VGLL4: variants seen among roughly 807,000 people sequenced by gnomAD.
The protein encoded by VGLL4 is vestigial like family member 4.
VGLL4 carries 7 observed loss-of-function variants against 21.0 expected under a neutral mutation model. The ratio of observed to expected loss-of-function variants is 0.33; its 90% confidence interval spans 0.19 to 0.63. The LOEUF (loss-of-function observed/expected upper bound fraction) is 0.63. Among genes scored for constraint, VGLL4 ranks in the 20% least tolerant of loss-of-function variants. The pLI, the probability that VGLL4 is intolerant of heterozygous loss-of-function variation, is 0.78. For missense variants in VGLL4, 394 were observed against 425.7 expected, an observed-to-expected ratio of 0.93 and a Z score of 0.66; for synonymous variants, 222 against 173.2, an observed-to-expected ratio of 1.28 and a Z score of -2.21.
intron 2 of VGLL4, among the ~76,000 whole-genome samples, chr3:11,655,529 C>G (rs573551971): frequency 6.6e-6 from 1 of 152,328 alleles, no homozygotes; most frequent in African/African-American, 2.4e-5. Context: ...CATTCTCAGC[C>G]TATCTTCTTA....
chr3:11,645,967 G>C (rs190502689), upstream of VGLL4, among the ~76,000 whole-genome samples: 40 of 152,152 alleles, frequency 2.6e-4, 1 homozygote, highest in East Asian at 7.5e-3. Flanking sequence ...ACAAGACTCC[G>C]TCTCAAAAAA....
chr3:11,707,186 G>C (rs565609151), intron 1 of VGLL4, among the ~76,000 whole-genome samples: 98 of 151,902 alleles, frequency 6.5e-4, no homozygotes, highest in South Asian at 5.0e-3. Context: ...AAATGAGCTG[G>C]AAGTGGTGGC....
chr3:11,706,429 C>T (rs1030145893), intron 1 of VGLL4, among the ~76,000 whole-genome samples: 1 of 152,128 alleles, frequency 6.6e-6, no homozygotes, highest in Non-Finnish European at 1.5e-5. Context: ...CGCTCTTGTT[C>T]GGAAACTAAA....
chr3:11,625,401 G>A (rs2075333419), intron 1 of VGLL4, among the ~76,000 whole-genome samples: 1 of 152,172 alleles, frequency 6.6e-6, no homozygotes, highest in Admixed American at 6.5e-5. Flanking sequence ...TGGTTCTAAG[G>A]TCTTTGAAAG....
chr3:11,598,343 C>A (rs1351812926), intron 2 of VGLL4, among the ~76,000 whole-genome samples: 3 of 152,146 alleles, frequency 2.0e-5, no homozygotes, highest in Admixed American at 2.0e-4. Context: ...GCTTCTTACT[C>A]TGGCTCAGAG....
intron 2 of VGLL4, among the ~76,000 whole-genome samples, chr3:11,575,467 C>G (rs1040172126): frequency 6.6e-6 from 1 of 152,192 alleles, no homozygotes; most frequent in Non-Finnish European, 1.5e-5. Context: ...CCCTCTCTCT[C>G]CTTGAGACTG....
chr3:11,608,993 A>G (rs1481833896), intron 1 of VGLL4, among the ~76,000 whole-genome samples: 1 of 152,098 alleles, frequency 6.6e-6, no homozygotes, highest in Non-Finnish European at 1.5e-5. Context: ...TCCCGAGTGT[A>G]GCCGGGACTA....
At chr3:11,595,246 AGG>A (rs543406452) in intron 2 of VGLL4, among the ~76,000 whole-genome samples, 1 of 152,244 alleles carries the variant, frequency 6.6e-6, no homozygotes, top group African/African-American at 2.4e-5. Flanking sequence ...GTAAGAAAGA[AGG>A]GGAAATGCAG....
Position 11,574,783 on chromosome 3 carries a change from ATATGTGTGTG to A in VGLL4, c.273-9774_273-9765del, listed in dbSNP as rs1284548403. 1.8e-3 allele frequency among the ~76,000 whole-genome samples: 200 copies of A among 111,852 alleles called. 2 individuals are homozygous for A. Among genetic ancestry groups the A allele is most frequent in the Middle Eastern group, 9.3e-3 (2 of 214 alleles). 73.4% of individuals were successfully genotyped at this position (111,852 alleles called of 152,430 possible). A position where few individuals can be genotyped will look rare whatever the true frequency, so the allele number is the denominator to read the frequency against. On this transcript the variant is annotated intron_variant, in intron 2 of 4. Coordinates refer to ENST00000430365, the MANE Select transcript of VGLL4 (RefSeq NM_001128219.3). ...GTACAATTACTGTCAATTCAACTAT[ATATGTGTGTG>A]TGTGTGTGTGTGTGTGTGTGTGTGT... is the stretch of plus-strand genomic sequence containing the variant.
At chr3:11,599,840 C>T (rs1471293008) in intron 2 of VGLL4, among the ~76,000 whole-genome samples, 1 of 151,600 alleles carries the variant, frequency 6.6e-6, no homozygotes, top group Non-Finnish European at 1.5e-5. Context: ...ATTTTCTGAA[C>T]ATTTTAATAT....
intron 2 of VGLL4, among the ~76,000 whole-genome samples, chr3:11,690,584 A>C (rs548961235): frequency 6.6e-6 from 1 of 152,320 alleles, no homozygotes; most frequent in East Asian, 1.9e-4. Context: ...AAGTAACTAC[A>C]GTCCAGTTAA....
At chr3:11,584,199 C>T (rs547288327) in intron 2 of VGLL4, among the ~76,000 whole-genome samples, 3 of 152,056 alleles carry the variant, frequency 2.0e-5, no homozygotes, top group Non-Finnish European at 2.9e-5. Flanking sequence ...TATGAAGAGT[C>T]GTAACATATC....
chr3:11,616,462 T>C (rs2075165614), intron 1 of VGLL4, among the ~76,000 whole-genome samples: 2 of 152,222 alleles, frequency 1.3e-5, no homozygotes, highest in African/African-American at 4.8e-5. Flanking sequence ...CCTCCTTTCC[T>C]TTCCTAGAGC....
chr3:11,720,658 G>C (rs965545468), exon 1 of VGLL4: 1 of 152,312 alleles, frequency 6.6e-6, no homozygotes, highest in African/African-American at 2.4e-5. Context: ...AGATCGGAGT[G>C]GAAAGAGTCC....
chr3:11,609,299 A>T (rs2075010650), intron 1 of VGLL4, among the ~76,000 whole-genome samples: 1 of 152,232 alleles, frequency 6.6e-6, no homozygotes, highest in Non-Finnish European at 1.5e-5. Context: ...TTTACTGCTC[A>T]TCAAGAAATA....
intron 2 of VGLL4, among the ~76,000 whole-genome samples, chr3:11,658,571 G>C (rs879428628): frequency 2.0e-5 from 3 of 151,712 alleles, no homozygotes; most frequent in African/African-American, 7.3e-5. Flanking sequence ...ATTAATTAAA[G>C]AGCCAGCTGA....
At chr3:11,567,375 A>C (rs373898590) in intron 2 of VGLL4, among the ~76,000 whole-genome samples, 1 of 152,250 alleles carries the variant, frequency 6.6e-6, no homozygotes, top group African/African-American at 2.4e-5. Context: ...GTATTCGTTT[A>C]TGGGGTTTTT....
chr3:11,624,023 T>C (rs1490414887), intron 1 of VGLL4, among the ~76,000 whole-genome samples: 1 of 152,168 alleles, frequency 6.6e-6, no homozygotes, highest in Non-Finnish European at 1.5e-5. Context: ...ATTACAGGCA[T>C]GAGCCACAGC....
chr3:11,697,565 GCAGAAGCCGAC>G lies in VGLL4; in HGVS notation c.64+5395_64+5405del, dbSNP rs576316942. 1.8e-4 allele frequency among the ~76,000 whole-genome samples: 27 copies of G among 151,894 alleles called. No individual in the cohort carries two copies. The East Asian group carries it at 5.0e-3, about 28-fold the overall frequency. On this transcript the variant is annotated intron_variant, in intron 2 of 5. Coordinates refer to the VGLL4 transcript ENST00000273038. Reference sequence around the variant, plus strand: ...CCCATAAGAGGTTCACTTGGCTGATGCAGAAGCCGACCAGAAGTCACCATGATCTTGAGGAA... The same window carrying G: ...CCCATAAGAGGTTCACTTGGCTGATGCAGAAGTCACCATGATCTTGAGGAA...
Sources: allele counts gnomAD v4.1 joint callset (sites outside exome capture counted in the v4.1 genomes callset), GRCh38; gene constraint gnomAD v4.1.1; transcripts MANE v1.5; gene names NCBI Gene and HGNC (gene_info 2026-07-23, HGNC 2026-07-21).